The following RBFOX3 variants were observed in gnomAD, a reference collection of about 807,000 sequenced individuals.
The protein encoded by RBFOX3 is RNA binding protein fox-1 homolog 3.
RBFOX3 carries 17 observed loss-of-function variants against 48.7 expected under a neutral mutation model. The ratio of observed to expected loss-of-function variants is 0.35; its 90% CI spans 0.24 to 0.52. The LOEUF is 0.52. Ranked by LOEUF, RBFOX3 falls within the 20% of genes least tolerant of loss-of-function variation. The pLI, the probability that RBFOX3 is intolerant of heterozygous loss-of-function variation, is 0.94. For missense variants in RBFOX3, 382 were observed against 497.5 expected, an observed-to-expected ratio of 0.77 and a Z score of 2.21; for synonymous variants, 212 against 209.5, an observed-to-expected ratio of 1.01 and a Z score of -0.10.
chr17:79,504,415 T>G (rs2082798032), intron 1 of RBFOX3, among the ~76,000 whole-genome samples: 1 of 152,172 alleles, frequency 6.6e-6, no homozygotes, highest in Non-Finnish European at 1.5e-5. Context: ...TGACCACAAA[T>G]AGAGTCGCTC....
chr17:79,131,094 T>C (rs566790378), intron 4 of RBFOX3, among the ~76,000 whole-genome samples: 1 of 151,814 alleles, frequency 6.6e-6, no homozygotes, highest in Non-Finnish European at 1.5e-5. Context: ...GTGTGCTGTG[T>C]GCCCCGTGTG....
chr17:79,513,043 T>C (rs1345950799), intron 1 of RBFOX3, among the ~76,000 whole-genome samples: 15 of 145,488 alleles, frequency 1.0e-4, no homozygotes, highest in African/African-American at 4.0e-4. Context: ...TACCATCGGG[T>C]ACGGCCCCAT....
chr17:79,315,496 G>A (rs1252584689), intron 2 of RBFOX3, among the ~76,000 whole-genome samples: 17 of 152,352 alleles, frequency 1.1e-4, no homozygotes, highest in East Asian at 9.6e-4. Context: ...GATGGGACCC[G>A]CAGGGGTAGG....
At chr17:79,139,457 G>A (rs1209661944) in intron 4 of RBFOX3, among the ~76,000 whole-genome samples, 3 of 152,254 alleles carry the variant, frequency 2.0e-5, no homozygotes, top group Admixed American at 2.0e-4. Flanking sequence ...GGGCCTGGAA[G>A]GACGATTTAC....
At chr17:79,370,788 A>C (rs2058433466) in intron 2 of RBFOX3, among the ~76,000 whole-genome samples, 1 of 151,932 alleles carries the variant, frequency 6.6e-6, no homozygotes, top group Admixed American at 6.5e-5. Context: ...TCATGCATAC[A>C]CCTTGACTTG....
At chr17:79,658,436 CCT>C in the RBFOX3 span, among the ~76,000 whole-genome samples, 1 of 148,312 alleles carries the variant, frequency 6.7e-6, no homozygotes, top group Admixed American at 6.7e-5. Flanking sequence ...TCTCTCCCTC[CCT>C]GTCTCCTCCT....
chr17:79,201,031 C>T (rs936499371), intron 4 of RBFOX3, among the ~76,000 whole-genome samples: 3 of 152,030 alleles, frequency 2.0e-5, no homozygotes, highest in African/African-American at 4.8e-5. Context: ...GTTCTCCCCA[C>T]GACTCCTTCT....
chr17:79,420,626 G>A lies in RBFOX3; in HGVS notation c.-175+61828C>T, dbSNP rs917430409. Among the ~76,000 whole-genome samples, 7 of 152,246 alleles carry A rather than the reference G, an allele frequency of 4.6e-5. No homozygotes were observed. The South Asian group carries it at 6.2e-4, about 13-fold the overall frequency. ...TGTTAGCAGGCAGGGCAGGCCTAGG[G>A]GAGGGAAGTGCACGGGAACCGCTTG... On this transcript the variant is annotated intron_variant, in intron 2 of 14. Transcript: ENST00000693108.
At chr17:79,395,918 C>T (rs752324907) in intron 2 of RBFOX3, among the ~76,000 whole-genome samples, 3 of 152,230 alleles carry the variant, frequency 2.0e-5, no homozygotes, top group Non-Finnish European at 4.4e-5. Flanking sequence ...GGCCATGGGG[C>T]ATCCCTCACC....
chr17:79,178,545 T>G (rs984369511), intron 4 of RBFOX3, among the ~76,000 whole-genome samples: 1 of 152,220 alleles, frequency 6.6e-6, no homozygotes, highest in Non-Finnish European at 1.5e-5. Context: ...AGGTAGTACG[T>G]GACCTAACCT....
intron 2 of RBFOX3, among the ~76,000 whole-genome samples, chr17:79,354,071 C>T (rs908616926): frequency 7.9e-5 from 12 of 152,168 alleles, no homozygotes; most frequent in African/African-American, 2.9e-4. Flanking sequence ...CCCACAGACC[C>T]CCTGCCCTCC....
the RBFOX3 span, among the ~76,000 whole-genome samples, chr17:79,654,675 C>T: frequency 6.6e-6 from 1 of 152,166 alleles, no homozygotes; most frequent in African/African-American, 2.4e-5. Flanking sequence ...CTGGACTTAC[C>T]CAGGTAGCAG....
intron 2 of RBFOX3, among the ~76,000 whole-genome samples, chr17:79,332,454 C>T (rs568024466): frequency 2.2e-4 from 33 of 151,904 alleles, no homozygotes; most frequent in Non-Finnish European, 4.4e-4. Flanking sequence ...CTGGGGTCCA[C>T]GTGAGCACCT....
At chr17:79,385,273 C>T (rs1182766230) in intron 2 of RBFOX3, among the ~76,000 whole-genome samples, 1 of 152,208 alleles carries the variant, frequency 6.6e-6, no homozygotes, top group Admixed American at 6.5e-5. Flanking sequence ...AACCAGAGCA[C>T]CCAGCAGGGC....
At chr17:79,557,511 C>T (rs2091869431) in intron 1 of RBFOX3, among the ~76,000 whole-genome samples, 1 of 152,196 alleles carries the variant, frequency 6.6e-6, no homozygotes, top group African/African-American at 2.4e-5. Flanking sequence ...ACGTCTGGGG[C>T]CGTGGGAGCC....
At chr17:79,662,129 A>ATTTTTTTTTTTTTT in the RBFOX3 span, among the ~76,000 whole-genome samples, 1 of 14,488 alleles carries the variant, frequency 6.9e-5, no homozygotes, top group African/African-American at 1.2e-4. Flanking sequence ...CTTCCTGTTT[A>ATTTTTTTTTTTTTT]TTCTTTTTTT....
rs1456587694 is a variant in RBFOX3, at chr17:79,480,065, C to G, written c.-175+2389G>C. ...TGACCAGGAGCCGTAGTGGATGGCA[C>G]ACCAGTGCTGCCTTCACAGCGACAC... On this transcript the variant is annotated intron_variant, in intron 2 of 14. Coordinates refer to ENST00000693108, the MANE Select transcript of RBFOX3 (RefSeq NM_001350451.2). The surrounding 1 kb of genome is among the most constrained non-coding windows in gnomAD (Gnocchi z 4.8). 6.6e-6 allele frequency among the ~76,000 whole-genome samples: 1 copy of G among 152,216 alleles called. No individual in the cohort carries two copies. Among genetic ancestry groups the G allele is most frequent in the African/African-American group, 2.4e-5 (1 of 41,460 alleles).
At chr17:79,651,864 A>ACCCCC in the RBFOX3 span, among the ~76,000 whole-genome samples, 1 of 28,828 alleles carries the variant, frequency 3.5e-5, no homozygotes, top group Admixed American at 3.3e-4. Flanking sequence ...CCCCTCCACC[A>ACCCCC]CCCCCCATCA....
intron 1 of RBFOX3, among the ~76,000 whole-genome samples, chr17:79,533,154 C>A (rs1599064263): frequency 6.6e-6 from 1 of 152,354 alleles, no homozygotes; most frequent in East Asian, 1.9e-4. Context: ...TCCTAAGAAC[C>A]AGCTGGTGGG....
Sources: allele counts gnomAD v4.1 joint callset (sites outside exome capture counted in the v4.1 genomes callset), GRCh38; gene constraint gnomAD v4.1.1; non-coding constraint Gnocchi (gnomAD v3.1); transcripts MANE v1.5; gene names NCBI Gene and HGNC (gene_info 2026-07-23, HGNC 2026-07-21).